The following TRIM24 variants were observed in gnomAD, a reference collection of about 807,000 sequenced individuals.
TRIM24 encodes transcription intermediary factor 1-alpha.
A neutral mutation model predicts 123.9 loss-of-function variants in TRIM24; 29 were observed. That is an observed-to-expected ratio of 0.23 (90% confidence interval 0.17 to 0.32). The LOEUF (loss-of-function observed/expected upper bound fraction) is 0.32, where lower values mean the gene tolerates loss of function less well. Ranked by LOEUF, TRIM24 falls within the 10% of genes least tolerant of loss-of-function variation. The pLI is 1.00. For missense variants in TRIM24, 932 were observed against 1,295.3 expected (o/e 0.72, Z 4.31); for synonymous variants, 456 against 461.1 (o/e 0.99, Z 0.14).
intron 1 of TRIM24, among the ~76,000 whole-genome samples, chr7:138,467,811 A>T (rs943014937): frequency 6.6e-6 from 1 of 152,194 alleles, no homozygotes; most frequent in Admixed American, 6.5e-5. Context: ...TGATATTTTT[A>T]AAATTTTCAT....
intron 2 of TRIM24, among the ~76,000 whole-genome samples, chr7:138,508,699 G>GCGCA (rs1563038826): frequency 1.0e-5 from 1 of 96,410 alleles, no homozygotes; most frequent in African/African-American, 5.0e-5. Context: ...GTGTGCGCGC[G>GCGCA]CGTGTGTGCG....
At chr7:138,545,712 GA>G (rs886379941) in intron 7 of TRIM24, among the ~76,000 whole-genome samples, 69 of 152,250 alleles carry the variant, frequency 4.5e-4, no homozygotes, top group African/African-American at 1.6e-3. Flanking sequence ...GAAAGGGGGG[GA>G]AAGTAAAAGT....
chr7:138,531,465 G>T (rs902290352), intron 6 of TRIM24, among the ~76,000 whole-genome samples: 1 of 151,484 alleles, frequency 6.6e-6, no homozygotes, highest in Non-Finnish European at 1.5e-5. Context: ...AGAACATGCG[G>T]TGTTTGGTTT....
At position 138,535,546 on chromosome 7, in the gene TRIM24, T is replaced by C. The variant is rs540070384; in HGVS notation, c.997-3111T>C. The stretch of plus-strand genomic sequence containing the variant: ...TTTAAGGCTGTTGAATATTGGCCCC[T>C]ACTCTCTTCTGTCTTGTAGAGTTTC... On this transcript the variant is annotated intron_variant, in intron 6 of 18. Transcript: ENST00000343526. 2.2e-3 allele frequency among the ~76,000 whole-genome samples: 331 copies of C among 152,310 alleles called. 1 individual carries two copies. The highest frequency in any genetic ancestry group is 0.014 in the Middle Eastern group (4 of 294).
At chr7:138,525,010 A>G (rs1459046498) in intron 4 of TRIM24, among the ~76,000 whole-genome samples, 1 of 152,134 alleles carries the variant, frequency 6.6e-6, no homozygotes, top group Non-Finnish European at 1.5e-5. Context: ...AAACTGAATG[A>G]TGGATGCATG....
chr7:138,527,557 G>A (rs1028915080), intron 5 of TRIM24, among the ~76,000 whole-genome samples: 1 of 152,096 alleles, frequency 6.6e-6, no homozygotes, highest in African/African-American at 2.4e-5. Context: ...TGGTTCCCTT[G>A]ATCCTGTAGT....
chr7:138,505,506 G>T (rs923020601), intron 2 of TRIM24, among the ~76,000 whole-genome samples: 6 of 50,126 alleles, frequency 1.2e-4, no homozygotes, highest in Non-Finnish European at 2.1e-4. Flanking sequence ...TTTTGGGGGT[G>T]GTGGTTGTTG....
At chr7:138,535,164 G>A (rs1313410499) in intron 6 of TRIM24, among the ~76,000 whole-genome samples, 1 of 152,066 alleles carries the variant, frequency 6.6e-6, no homozygotes, top group Non-Finnish European at 1.5e-5. Flanking sequence ...CTTGACTCTT[G>A]ATCCAATTTG....
In TRIM24 at chr7:138,499,306, G is replaced by C. The variant is rs187384330; in HGVS notation, c.365-4984G>C. On this transcript the variant is annotated intron_variant, in intron 1 of 18. Coordinates refer to ENST00000343526, the MANE Select transcript of TRIM24 (RefSeq NM_015905.3). The stretch of plus-strand genomic sequence containing the variant: ...TATGAAGGATGTTCACTGTGTACTG[G>C]TTACCATTTTAGCCCACTATATCTT... Among the ~76,000 whole-genome samples the C allele has an allele frequency of 7.9e-5, 12 of 152,170 alleles. No homozygotes were observed. The East Asian group carries it at 1.7e-3, about 22-fold the overall frequency.
chr7:138,524,024 A>G (rs1481699119), intron 4 of TRIM24, among the ~76,000 whole-genome samples: 1 of 152,178 alleles, frequency 6.6e-6, no homozygotes, highest in African/African-American at 2.4e-5. Context: ...CAGTGTAATC[A>G]CAACCAATTT....
At chr7:138,468,339 A>G (rs892081949) in intron 1 of TRIM24, among the ~76,000 whole-genome samples, 3 of 152,136 alleles carry the variant, frequency 2.0e-5, no homozygotes, top group Non-Finnish European at 4.4e-5. Context: ...CTTGAGATAT[A>G]CCTCACTTGG....
intron 5 of TRIM24, among the ~76,000 whole-genome samples, chr7:138,528,794 C>G (rs1270452763): frequency 4.9e-5 from 5 of 102,064 alleles, no homozygotes; most frequent in Non-Finnish European, 9.1e-5. Context: ...CCCCCCCCCC[C>G]ATCCTTTTAG....
intron 17 of TRIM24, among the ~76,000 whole-genome samples, chr7:138,582,593 G>T (rs1797924756): frequency 6.7e-6 from 1 of 150,130 alleles, no homozygotes; most frequent in South Asian, 2.1e-4. Context: ...ATTTTAGAGT[G>T]CTGGAAAGGG....
intron 2 of TRIM24, chr7:138,514,387 T>G (rs1036371060): frequency 1.3e-5 from 2 of 152,230 alleles, no homozygotes; most frequent in African/African-American, 4.8e-5. Flanking sequence ...ATAGACTTAT[T>G]TGGACAAACA....
chr7:138,482,876 C>G (rs1795559811), intron 1 of TRIM24, among the ~76,000 whole-genome samples: 1 of 152,054 alleles, frequency 6.6e-6, no homozygotes, highest in Non-Finnish European at 1.5e-5. Context: ...ATGCTGAGAG[C>G]TTTTGGCCAC....
At position 138,554,311 on chromosome 7, in the gene TRIM24, A is replaced by G. The variant is rs997270961; in HGVS notation, c.1262-387A>G. 6.6e-6 allele frequency among the ~76,000 whole-genome samples: 1 copy of G among 152,230 alleles called. No homozygotes were observed. Among genetic ancestry groups the G allele is most frequent in the Non-Finnish European group, 1.5e-5 (1 of 68,046 alleles). ...AACTTAACAATATATTATGATAGAT[A>G]GTGCAGAAACAGATAATGTGATTTC... On this transcript the variant is annotated intron_variant, in intron 8 of 18. Coordinates refer to ENST00000343526, the MANE Select transcript of TRIM24 (RefSeq NM_015905.3). This position sits in a 1 kb window ranked among gnomAD's most constrained non-coding sequence, Gnocchi z 4.5.
intron 1 of TRIM24, chr7:138,490,596 G>C (rs1259508878): frequency 3.9e-6 from 1 of 256,452 alleles, no homozygotes; most frequent in Non-Finnish European, 7.6e-6. Context: ...ATTGGACTGT[G>C]GTTCATATCC....
chr7:138,589,668 G>A lies in TRIM24; in HGVS notation c.*4717G>A, dbSNP rs1346107520. The A allele has an allele frequency of 2.6e-5, 4 of 152,196 alleles. No homozygotes were observed. Among genetic ancestry groups the A allele is most frequent in the African/African-American group, 9.7e-5 (4 of 41,450 alleles). The allele number at this position is 152,196 out of a possible 1,614,324, so 9.4% of individuals were successfully genotyped here. A position where few individuals can be genotyped will look rare whatever the true frequency, so the allele number is the denominator to read the frequency against. ...CTGCCTCATACCAGCCACTCCCAAA[G>A]TAGGAGGACCAAAGATGCCATGAAG... On this transcript the variant is annotated 3_prime_UTR_variant, in exon 19 of 19. Coordinates refer to ENST00000343526, the MANE Select transcript of TRIM24 (RefSeq NM_015905.3).
chr7:138,575,095 T>C (rs1048356174), intron 12 of TRIM24, among the ~76,000 whole-genome samples: 4 of 152,210 alleles, frequency 2.6e-5, no homozygotes, highest in African/African-American at 9.7e-5. Flanking sequence ...GCTCATGGAC[T>C]ACTGTTTAGT....
Sources: allele counts gnomAD v4.1 joint callset (sites outside exome capture counted in the v4.1 genomes callset), GRCh38; gene constraint gnomAD v4.1.1; non-coding constraint Gnocchi (gnomAD v3.1); transcripts MANE v1.5; gene names NCBI Gene and HGNC (gene_info 2026-07-23, HGNC 2026-07-21).